The following HDAC9 variants were observed in gnomAD, a reference collection of about 807,000 sequenced individuals.
HDAC9 encodes the protein MEF-2 interacting transcription repressor (MITR) protein.
A neutral mutation model predicts 139.4 loss-of-function variants in HDAC9; 41 were observed. The ratio of observed to expected loss-of-function variants is 0.29; its 90% CI spans 0.23 to 0.38. The LOEUF is 0.38. HDAC9 is among the 10% of genes least tolerant of loss of function. The pLI is 1.00. For missense variants in HDAC9, 1,147 were observed against 1,297.0 expected, an observed-to-expected ratio of 0.88 and a Z score of 1.78; for synonymous variants, 517 against 476.2, an observed-to-expected ratio of 1.09 and a Z score of -1.12.
At chr7:18,580,473 A>G (rs531047712) in intron 2 of HDAC9, among the ~76,000 whole-genome samples, 14 of 152,320 alleles carry the variant, frequency 9.2e-5, no homozygotes, top group Admixed American at 7.8e-4. Context: ...TATAATAAAT[A>G]TAGCATACAT....
At chr7:18,769,512 G>T (rs996325927) in intron 16 of HDAC9, among the ~76,000 whole-genome samples, 37 of 151,992 alleles carry the variant, frequency 2.4e-4, no homozygotes, top group African/African-American at 8.2e-4. Flanking sequence ...GCTGGAGAAG[G>T]TTGGAGAGAT....
At chr7:18,794,318 C>G (rs1792590505) in intron 17 of HDAC9, among the ~76,000 whole-genome samples, 1 of 52,630 alleles carries the variant, frequency 1.9e-5, no homozygotes, top group Non-Finnish European at 4.8e-5. Context: ...TTTTGTGAAA[C>G]CAAGATAAAA....
chr7:18,118,325 C>T (rs950537463), intron 1 of HDAC9, among the ~76,000 whole-genome samples: 10 of 152,088 alleles, frequency 6.6e-5, no homozygotes, highest in Admixed American at 3.9e-4. Flanking sequence ...TATAGCAGAT[C>T]CCTAACTTTA....
intron 16 of HDAC9, among the ~76,000 whole-genome samples, chr7:18,779,783 A>G (rs1401776358): frequency 6.6e-6 from 1 of 152,028 alleles, no homozygotes; most frequent in Non-Finnish European, 1.5e-5. Context: ...TCAGGTCTGC[A>G]GAGGGTAAAC....
In HDAC9 at chr7:18,585,311, T is replaced by C; in HGVS notation, c.53T>C (p.Leu18Pro). Residue 18 changes from leucine to proline, a missense_variant, in exon 3 of 26, where the codon CTG (leucine) becomes CCG (proline). Leu to Pro is a moderately conservative substitution (Grantham distance 98, BLOSUM62 -3). Coordinates refer to ENST00000686413, the MANE Select transcript of HDAC9 (RefSeq NM_178425.4). ...VDVKSEVPVGLEPISPLDLRT... is the reference protein window; with the variant it reads ...VDVKSEVPVGPEPISPLDLRT... ...GTGAAGTCAGAAGTTCCTGTGGGCC[T>C]GGAGCCCATCTCACCTTTAGACCTA... is the stretch of plus-strand genomic sequence containing the variant. 6.2e-7 allele frequency: 1 copy of C among 1,612,120 alleles called. No homozygotes were observed. The highest frequency in any genetic ancestry group is 8.5e-7 in the Non-Finnish European group (1 of 1,178,712).
chr7:18,745,670 C>T (rs1021156708), intron 13 of HDAC9, among the ~76,000 whole-genome samples: 2 of 151,006 alleles, frequency 1.3e-5, no homozygotes, highest in Non-Finnish European at 1.5e-5. Flanking sequence ...CCTCAGCCTC[C>T]CGAGTAGCTG....
chr7:18,992,706 C>CTT, intron 25 of HDAC9, among the ~76,000 whole-genome samples: 1 of 148,178 alleles, frequency 6.7e-6, no homozygotes, highest in East Asian at 2.0e-4. Flanking sequence ...AAATTACTTC[C>CTT]TTTTTTTTTT....
At chr7:18,443,024 G>A (rs1257020628) in intron 1 of HDAC9, among the ~76,000 whole-genome samples, 2 of 152,122 alleles carry the variant, frequency 1.3e-5, no homozygotes, top group African/African-American at 2.4e-5. Context: ...AACTCAATGG[G>A]AGCTACTGAT....
chr7:18,961,999 G>T (rs1164428130), intron 24 of HDAC9, among the ~76,000 whole-genome samples: 1 of 152,172 alleles, frequency 6.6e-6, no homozygotes, highest in African/African-American at 2.4e-5. Flanking sequence ...AGGAATTTGG[G>T]AAGTTCTGGC....
intron 1 of HDAC9, among the ~76,000 whole-genome samples, chr7:18,350,838 A>G (rs926875629): frequency 1.3e-5 from 2 of 152,162 alleles, no homozygotes; most frequent in Admixed American, 1.3e-4. Flanking sequence ...TAATCCCCAT[A>G]ACGACACTGG....
intron 1 of HDAC9, among the ~76,000 whole-genome samples, chr7:18,437,932 A>G (rs1015898271): frequency 1.7e-4 from 25 of 151,402 alleles, no homozygotes; most frequent in Non-Finnish European, 3.4e-4. Flanking sequence ...ACACTGCCAC[A>G]TTATATAACG....
At position 18,260,195 on chromosome 7, in the gene HDAC9, G is replaced by T. The variant is rs186325790; in HGVS notation, c.25+97846G>T. Among the ~76,000 whole-genome samples the T allele has an allele frequency of 3.1e-4, 47 of 151,972 alleles. No individual in the cohort carries two copies. In the East Asian group the frequency reaches 8.7e-3, roughly 28 times the overall value. On this transcript the variant is annotated intron_variant, in intron 2 of 12. Transcript: ENST00000417496. ...TCCCAATGGCTGCCTTTTAAACCTGGTCAAAGCCTTGCTAGTCAAAGATGA... is the reference window on the plus strand; with the variant it reads ...TCCCAATGGCTGCCTTTTAAACCTGTTCAAAGCCTTGCTAGTCAAAGATGA...
chr7:18,981,499 T>G (rs1210704527), intron 25 of HDAC9, among the ~76,000 whole-genome samples: 2 of 152,186 alleles, frequency 1.3e-5, no homozygotes, highest in Non-Finnish European at 2.9e-5. Flanking sequence ...AGCAATGTAT[T>G]GGCAAGGCTG....
chr7:18,639,093 T>A (rs1784773146), intron 8 of HDAC9, among the ~76,000 whole-genome samples: 1 of 152,092 alleles, frequency 6.6e-6, no homozygotes, highest in Non-Finnish European at 1.5e-5. Flanking sequence ...TTAAAATAAA[T>A]TTTCCAGCAG....
chr7:18,904,572 C>CTTT (rs71017010), intron 22 of HDAC9, among the ~76,000 whole-genome samples: 1 of 71,938 alleles, frequency 1.4e-5, no homozygotes, highest in African/African-American at 6.0e-5. Flanking sequence ...CTCCCCATTT[C>CTTT]TTTTTTTTTT....
At chr7:18,310,831 C>T (rs901429661) in intron 1 of HDAC9, among the ~76,000 whole-genome samples, 3 of 151,554 alleles carry the variant, frequency 2.0e-5, no homozygotes, top group African/African-American at 4.9e-5. Context: ...CACACACACA[C>T]ACACACACAC....
intron 1 of HDAC9, among the ~76,000 whole-genome samples, chr7:18,109,751 C>A (rs2128081634): frequency 6.6e-6 from 1 of 152,192 alleles, no homozygotes; most frequent in African/African-American, 2.4e-5. Flanking sequence ...AACCAAGTTA[C>A]CAGTACTTAC....
chr7:18,943,245 T>C (rs952087294), intron 23 of HDAC9, among the ~76,000 whole-genome samples: 1 of 152,080 alleles, frequency 6.6e-6, no homozygotes, highest in African/African-American at 2.4e-5. Context: ...TAGTTTGACA[T>C]GCACTTTTCA....
intron 11 of HDAC9, among the ~76,000 whole-genome samples, chr7:18,662,819 A>G (rs955661866): frequency 2.0e-5 from 3 of 152,164 alleles, no homozygotes; most frequent in Non-Finnish European, 4.4e-5. Flanking sequence ...GCTAGGCAGC[A>G]CTGAGACCCC....
Sources: allele counts gnomAD v4.1 joint callset (sites outside exome capture counted in the v4.1 genomes callset), GRCh38; gene constraint gnomAD v4.1.1; transcripts MANE v1.5; gene names NCBI Gene and HGNC (gene_info 2026-07-23, HGNC 2026-07-21).